DPYD: variants seen among roughly 807,000 people sequenced by gnomAD.
DPYD encodes the protein dihydropyrimidine dehydrogenase [NADP(+)].
Under a neutral mutation model 116.2 loss-of-function variants are expected in DPYD, and 109 were observed. The ratio of observed to expected loss-of-function variants is 0.94; its 90% CI spans 0.80 to 1.10. DPYD has a LOEUF of 1.10. Ranked by LOEUF, DPYD falls within the 50% of genes least tolerant of loss-of-function variation. The pLI, the probability that DPYD is intolerant of heterozygous loss-of-function variation, is 0.00. For synonymous variants in DPYD, 440 were observed against 432.0 expected, an observed-to-expected ratio of 1.02 and a Z score of -0.23; for missense variants, 1,302 against 1,254.5, an observed-to-expected ratio of 1.04 and a Z score of -0.57.
At chr1:97,108,251 G>C (rs1651319718) in intron 20 of DPYD, among the ~76,000 whole-genome samples, 1 of 152,128 alleles carries the variant, frequency 6.6e-6, no homozygotes, top group Admixed American at 6.6e-5. Flanking sequence ...TCACTTTGCT[G>C]TCAGCTGGTT....
At chr1:97,412,904 C>T (rs1260293320) in intron 14 of DPYD, among the ~76,000 whole-genome samples, 4 of 152,114 alleles carry the variant, frequency 2.6e-5, no homozygotes, top group Admixed American at 6.5e-5. Flanking sequence ...CCACCCTAAA[C>T]GAGTCATCAT....
At chr1:97,819,337 A>G (rs1668798681) in intron 3 of DPYD, among the ~76,000 whole-genome samples, 1 of 151,952 alleles carries the variant, frequency 6.6e-6, no homozygotes, top group Non-Finnish European at 1.5e-5. Context: ...TTAAAATAGA[A>G]AAGAGTTGAA....
intron 12 of DPYD, among the ~76,000 whole-genome samples, chr1:97,535,144 T>C (rs1649900211): frequency 6.6e-6 from 1 of 152,244 alleles, no homozygotes; most frequent in African/African-American, 2.4e-5. Flanking sequence ...CTGCTTGACT[T>C]TCAGGATGCC....
At chr1:97,298,570 C>A (rs77284010) in intron 18 of DPYD, among the ~76,000 whole-genome samples, 11,484 of 150,548 alleles carry the variant, frequency 0.076, 997 homozygotes, top group African/African-American at 0.22. Context: ...TGTAATCAGA[C>A]ATTTGCTTCT....
chr1:97,763,828 T>C (rs1270344047), intron 3 of DPYD, among the ~76,000 whole-genome samples: 1 of 152,064 alleles, frequency 6.6e-6, no homozygotes, highest in Non-Finnish European at 1.5e-5. Context: ...CATCCAAACA[T>C]TTATTATGAA....
rs192720183 is a variant in DPYD at position 97,774,174 on chromosome 1, G to C, written c.234-33695C>G. 1.2e-4 allele frequency among the ~76,000 whole-genome samples: 18 copies of C among 152,290 alleles called. 1 individual carries two copies. In the East Asian group the frequency reaches 2.1e-3, roughly 18 times the overall value. On this transcript the variant is annotated intron_variant, in intron 3 of 22. Transcript: ENST00000370192. ...CCACCGTTGCATGCCCTGTGAGGGG[G>C]ATAAGAGAACGTTTCCTGTTTTACC...
intron 13 of DPYD, among the ~76,000 whole-genome samples, chr1:97,496,213 C>T (rs945015310): frequency 1.3e-5 from 2 of 152,110 alleles, no homozygotes; most frequent in Non-Finnish European, 2.9e-5. Flanking sequence ...ATGTCAAATA[C>T]GTTCACTTTG....
intron 14 of DPYD, among the ~76,000 whole-genome samples, chr1:97,428,411 G>T (rs1401850627): frequency 2.6e-5 from 4 of 152,006 alleles, no homozygotes; most frequent in African/African-American, 4.8e-5. Flanking sequence ...ACATGAAAAA[G>T]AATTTTTTAA....
intron 5 of DPYD, among the ~76,000 whole-genome samples, chr1:97,705,927 G>A (rs1014010057): frequency 1.3e-5 from 2 of 151,970 alleles, no homozygotes; most frequent in African/African-American, 4.8e-5. Flanking sequence ...CCGCATAAAT[G>A]TCTTCTTTTG....
intron 2 of DPYD, among the ~76,000 whole-genome samples, chr1:97,867,374 T>C (rs984212870): frequency 6.6e-6 from 1 of 151,870 alleles, no homozygotes; most frequent in African/African-American, 2.4e-5. Context: ...TTGTGGGTTA[T>C]GCCACTGTTG....
chr1:97,699,309 T>C, intron 6 of DPYD, 42 bp downstream of exon 6: 2 of 1,583,152 alleles, frequency 1.3e-6, no homozygotes, highest in Non-Finnish European at 8.7e-7. Flanking sequence ...TTTTGCTCCA[T>C]CATTTCTGAC....
intron 19 of DPYD, among the ~76,000 whole-genome samples, chr1:97,216,028 A>G (rs542080391): frequency 6.6e-6 from 1 of 152,322 alleles, no homozygotes; most frequent in Non-Finnish European, 1.5e-5. Context: ...GGCTACTGAT[A>G]AGTGATTTTT....
intron 4 of DPYD, among the ~76,000 whole-genome samples, chr1:97,729,485 A>G (rs549470103): frequency 4.6e-4 from 70 of 152,254 alleles, no homozygotes; most frequent in African/African-American, 1.6e-3. Context: ...TTGTCACTAA[A>G]AAGATTTTGT....
chr1:97,565,349 G>A lies in DPYD; in HGVS notation c.1339+8411C>T, dbSNP rs187138762. On this transcript the variant is annotated intron_variant, in intron 11 of 22. Coordinates refer to ENST00000370192, the MANE Select transcript of DPYD (RefSeq NM_000110.4). ...CACCTGCTAGAATTACCTCATTCAA[G>A]ACAAAGAGCTCTTCCTTATTTAAAC... 1.1e-4 allele frequency among the ~76,000 whole-genome samples: 16 copies of A among 152,216 alleles called. 1 individual carries two copies. Among genetic ancestry groups the A allele is most frequent in the Admixed American group, 7.9e-4 (12 of 15,272 alleles).
chr1:97,626,137 TTAAC>T (rs1217144944), intron 8 of DPYD, among the ~76,000 whole-genome samples: 1 of 152,038 alleles, frequency 6.6e-6, no homozygotes, highest in Non-Finnish European at 1.5e-5. Flanking sequence ...CATTAAATAC[TTAAC>T]TATTTGTTAA....
intron 14 of DPYD, among the ~76,000 whole-genome samples, chr1:97,446,286 T>A (rs1023230254): frequency 3.3e-5 from 5 of 152,212 alleles, no homozygotes; most frequent in African/African-American, 1.2e-4. Flanking sequence ...TGTAACCCTA[T>A]GAATTTTGTT....
chr1:97,857,530 C>A (rs1670904510), intron 2 of DPYD, among the ~76,000 whole-genome samples: 1 of 152,114 alleles, frequency 6.6e-6, no homozygotes, highest in Admixed American at 6.5e-5. Flanking sequence ...TCCATAAAAA[C>A]CCAAAACGAG....
At chr1:97,289,824 G>A (rs565277035) in intron 18 of DPYD, among the ~76,000 whole-genome samples, 38 of 150,942 alleles carry the variant, frequency 2.5e-4, no homozygotes, top group African/African-American at 9.0e-4. Context: ...CATAGTGTTG[G>A]AAGTTCTGGC....
At chr1:97,465,929 G>T (rs115085562) in intron 13 of DPYD, among the ~76,000 whole-genome samples, 2,587 of 152,182 alleles carry the variant, frequency 0.017, 38 homozygotes, top group Non-Finnish European at 0.026. Flanking sequence ...GGACAATGTG[G>T]GGAAACCTTG....
Sources: allele counts gnomAD v4.1 joint callset (sites outside exome capture counted in the v4.1 genomes callset), GRCh38; gene constraint gnomAD v4.1.1; transcripts MANE v1.5; gene names NCBI Gene and HGNC (gene_info 2026-07-23, HGNC 2026-07-21).